Variants in ERGIC1 observed in about 807,000 individuals in gnomAD.
ERGIC1 encodes the protein endoplasmic reticulum-golgi intermediate compartment 1.
ERGIC1 carries 19 observed loss-of-function variants against 38.3 expected under a neutral mutation model. The observed-to-expected ratio is 0.50, with a 90% CI of 0.35 to 0.73. The LOEUF is 0.73. ERGIC1 is among the 30% of genes least tolerant of loss of function. The pLI is 0.01. For missense variants in ERGIC1, 294 were observed against 389.2 expected, an observed-to-expected ratio of 0.76 and a Z score of 2.06; for synonymous variants, 124 against 157.6, an observed-to-expected ratio of 0.79 and a Z score of 1.60.
intron 8 of ERGIC1, chr5:172,934,942 G>A (rs1404879167): frequency 7.6e-6 from 4 of 528,512 alleles, no homozygotes; most frequent in Non-Finnish European, 1.4e-5. Flanking sequence ...TGATTCTGGT[G>A]CTGCTTGCAG....
intron 1 of ERGIC1, among the ~76,000 whole-genome samples, chr5:172,858,980 AG>A (rs2113088010): frequency 6.6e-6 from 1 of 152,322 alleles, no homozygotes; most frequent in East Asian, 1.9e-4. Context: ...AGCTGTGCTG[AG>A]GACGTGATTT....
intron 1 of ERGIC1, among the ~76,000 whole-genome samples, chr5:172,848,810 T>G (rs888328347): frequency 6.6e-6 from 1 of 152,184 alleles, no homozygotes; most frequent in African/African-American, 2.4e-5. Context: ...CATTGCTATA[T>G]CCCTTTGTGT....
intron 1 of ERGIC1, among the ~76,000 whole-genome samples, chr5:172,871,704 C>G (rs1762014763): frequency 6.6e-6 from 1 of 152,124 alleles, no homozygotes; most frequent in Non-Finnish European, 1.5e-5. Flanking sequence ...GTGATGCAGA[C>G]AGATGGCACC....
chr5:172,879,560 G>C (rs1447448999), intron 1 of ERGIC1, among the ~76,000 whole-genome samples: 2 of 152,198 alleles, frequency 1.3e-5, no homozygotes, highest in Non-Finnish European at 2.9e-5. Flanking sequence ...TTCCCTATGG[G>C]TTCCTTTGCT....
chr5:172,847,160 G>C (rs1285157796), intron 1 of ERGIC1, among the ~76,000 whole-genome samples: 5 of 152,136 alleles, frequency 3.3e-5, no homozygotes, highest in African/African-American at 1.2e-4. Flanking sequence ...GCGTCTTCTG[G>C]CTCTGTCCTC....
At chr5:172,860,900 G>T (rs1761681113) in intron 1 of ERGIC1, among the ~76,000 whole-genome samples, 1 of 152,196 alleles carries the variant, frequency 6.6e-6, no homozygotes. Context: ...GGACTGTGTG[G>T]GGAGGAAGGG....
At chr5:172,839,929 GCTTT>G (rs1761121143) in intron 1 of ERGIC1, among the ~76,000 whole-genome samples, 1 of 152,174 alleles carries the variant, frequency 6.6e-6, no homozygotes, top group African/African-American at 2.4e-5. Context: ...CATCTCTAAA[GCTTT>G]CTCTTTTCCA....
At chr5:172,897,726 G>C (rs762897517) in intron 3 of ERGIC1, 13 of 412,694 alleles carry the variant, frequency 3.2e-5, no homozygotes, top group Non-Finnish European at 5.7e-5. Flanking sequence ...CATTTGATGT[G>C]AGAGCCGAAG....
At chr5:172,852,848 G>C (rs942421200) in intron 1 of ERGIC1, among the ~76,000 whole-genome samples, 6 of 152,258 alleles carry the variant, frequency 3.9e-5, no homozygotes, top group African/African-American at 1.4e-4. Context: ...TGTGATGACT[G>C]TTTGGTTTGC....
chr5:172,908,300 C>CGGGGGGGGG (rs374463442), intron 3 of ERGIC1, among the ~76,000 whole-genome samples: 2 of 17,142 alleles, frequency 1.2e-4, no homozygotes, highest in Non-Finnish European at 1.9e-4. Flanking sequence ...GAGGCTGAGG[C>CGGGGGGGGG]GGGGGCGGGG....
intron 1 of ERGIC1, among the ~76,000 whole-genome samples, chr5:172,869,545 G>A (rs556287367): frequency 4.2e-4 from 64 of 152,326 alleles, no homozygotes; most frequent in African/African-American, 1.5e-3. Context: ...TGTGCCAGAG[G>A]TAGCAGCCTC....
intron 4 of ERGIC1, 130 bp downstream of exon 4, chr5:172,909,891 G>A: frequency 1.2e-6 from 1 of 804,922 alleles, no homozygotes; most frequent in Non-Finnish European, 2.1e-6. Context: ...TTTTGGAGGA[G>A]AATATAATTG....
In ERGIC1 at chr5:172,892,072, T is replaced by TG. The variant is rs1397161437; in HGVS notation, c.82+3312_82+3313insG. On this transcript the variant is annotated intron_variant, in intron 2 of 9. Transcript: ENST00000393784. ...TGGGTTAAAGAGTATGTTTTTTTTT[T>TG]TTTTTTTTTTTTTTGAAACTTACAA... 2.1e-3 allele frequency among the ~76,000 whole-genome samples: 312 copies of TG among 147,436 alleles called. 3 individuals are homozygous for TG. Among genetic ancestry groups the TG allele is most frequent in the East Asian group, 7.7e-3 (39 of 5,064 alleles).
At position 172,837,348 on chromosome 5, in the gene ERGIC1, C is replaced by G. The variant is rs1761061201; in HGVS notation, c.20+2915C>G. Among the ~76,000 whole-genome samples the G allele has an allele frequency of 6.6e-6, 1 of 152,196 alleles. No individual in the cohort carries two copies. Among genetic ancestry groups the G allele is most frequent in the East Asian group, 1.9e-4 (1 of 5,204 alleles). On this transcript the variant is annotated intron_variant, in intron 1 of 9. Coordinates refer to ENST00000393784, the MANE Select transcript of ERGIC1 (RefSeq NM_001031711.3). The surrounding 1 kb of genome is among the most constrained non-coding windows in gnomAD (Gnocchi z 4.3). The stretch of plus-strand genomic sequence containing the variant: ...GCATTTAGACACAGAGTAAGCGCCT[C>G]ATCCATTTTGGCCGCCATATTTATT...
chr5:172,951,047 A>G lies in ERGIC1; in HGVS notation c.*231A>G, dbSNP rs1313013469. 2 of 459,502 alleles carry G rather than the reference A, an allele frequency of 4.4e-6. No individual in the cohort carries two copies. The highest frequency in any genetic ancestry group is 7.8e-6 in the Non-Finnish European group (2 of 256,944). The allele number at this position is 459,502 out of a possible 1,614,324, so 28.5% of individuals were successfully genotyped here. A position where few individuals can be genotyped will look rare whatever the true frequency, so the allele number is the denominator to read the frequency against. ...AGTTGCAGTTCCCCTTTCCCTGGGG[A>G]GCCCCAAGAACAGAGTCAGGCAAGG... On this transcript the variant is annotated 3_prime_UTR_variant, in exon 10 of 10. Transcript: ENST00000393784.
intron 6 of ERGIC1, among the ~76,000 whole-genome samples, chr5:172,925,162 T>C (rs918371054): frequency 2.6e-5 from 4 of 152,004 alleles, no homozygotes; most frequent in African/African-American, 9.7e-5. Flanking sequence ...CACTTGAACC[T>C]GGGAGGTGGA....
intron 4 of ERGIC1, among the ~76,000 whole-genome samples, chr5:172,910,707 T>C (rs1763184303): frequency 6.6e-6 from 1 of 151,974 alleles, no homozygotes; most frequent in Admixed American, 6.6e-5. Flanking sequence ...GTATTTTTAG[T>C]AGAGACGGGG....
At chr5:172,899,301 G>A (rs1414670232) in intron 3 of ERGIC1, among the ~76,000 whole-genome samples, 1 of 150,242 alleles carries the variant, frequency 6.7e-6, no homozygotes, top group East Asian at 2.0e-4. Context: ...GGTAGAATTG[G>A]GAGTTACTTC....
At chr5:172,928,347 C>T (rs890585849) in intron 7 of ERGIC1, among the ~76,000 whole-genome samples, 3 of 152,194 alleles carry the variant, frequency 2.0e-5, no homozygotes, top group Non-Finnish European at 4.4e-5. Context: ...ATTTCCTCAG[C>T]TCCCAAGCTC....
Sources: gnomAD v4.1 joint callset for allele counts (sites outside exome capture counted in the v4.1 genomes callset) on GRCh38, gnomAD v4.1.1 for gene constraint, Gnocchi (gnomAD v3.1) non-coding constraint, MANE v1.5 for transcripts, NCBI Gene and HGNC (gene_info 2026-07-23, HGNC 2026-07-21) for gene names.